NPNT: variants seen among roughly 807,000 people sequenced by gnomAD.
NPNT encodes the protein preosteoblast EGF-like repeat protein with MAM domain.
In NPNT, 45 loss-of-function variants were observed where a neutral mutation model predicts 68.6. The ratio of observed to expected loss-of-function variants is 0.66; its 90% CI spans 0.52 to 0.84. NPNT has a LOEUF of 0.84. NPNT is among the 40% of genes least tolerant of loss of function. NPNT has a pLI of 0.00. For missense variants in NPNT, 672 were observed against 714.8 expected (o/e 0.94, Z 0.68); for synonymous variants, 233 against 253.3 (o/e 0.92, Z 0.76).
Position 105,924,462 on chromosome 4 carries a change from A to G in NPNT, c.173-2874A>G, listed in dbSNP as rs147315695. On this transcript the variant is annotated intron_variant, in intron 2 of 11. Coordinates refer to ENST00000379987, the MANE Select transcript of NPNT (RefSeq NM_001033047.3). ...ATCAACTTTATGAGTATCCTACCGC[A>G]TTTAATAGCCATTGGCTAATCTAAG... Among the ~76,000 whole-genome samples, 559 of 152,304 alleles carry G rather than the reference A, an allele frequency of 3.7e-3. 5 individuals are homozygous for G. The highest frequency in any genetic ancestry group is 0.013 in the African/African-American group (544 of 41,580).
intron 1 of NPNT, 168 bp downstream of exon 1, chr4:105,895,891 G>A: frequency 1.6e-6 from 1 of 616,328 alleles, no homozygotes; most frequent in Non-Finnish European, 2.8e-6. Context: ...GCGGCTCCGA[G>A]TGCCCGCCCG....
At chr4:105,947,464 G>T (rs755037303) in intron 8 of NPNT, among the ~76,000 whole-genome samples, 5 of 152,114 alleles carry the variant, frequency 3.3e-5, no homozygotes, top group Non-Finnish European at 7.4e-5. Context: ...AGCTCCAGCT[G>T]GTCCCTCCAT....
chr4:105,925,761 C>T (rs985187208), intron 2 of NPNT, among the ~76,000 whole-genome samples: 3 of 152,200 alleles, frequency 2.0e-5, no homozygotes, highest in Non-Finnish European at 2.9e-5. Flanking sequence ...ACCTTCTTCA[C>T]GTCAGACCTA....
rs1729816259 is a variant in NPNT, at chr4:105,940,147, A to G, written c.578A>G (p.Tyr193Cys). 1.2e-6 allele frequency: 2 copies of G among 1,612,240 alleles called. No individual in the cohort carries two copies. Among genetic ancestry groups the G allele is most frequent in the Non-Finnish European group, 1.7e-6 (2 of 1,178,328 alleles). The change falls in exon 6 of 12, where the codon TAC becomes TGC. Residue 193 changes from tyrosine to cysteine, a missense_variant. Tyr to Cys is a radical substitution (Grantham distance 194). Coordinates refer to ENST00000379987, the MANE Select transcript of NPNT (RefSeq NM_001033047.3). ...FRQCVNTFGSYICKCHKGFDL... is the reference protein window; with the variant it reads ...FRQCVNTFGSCICKCHKGFDL... ...CAATGTGTCAACACTTTTGGGAGCT[A>G]CATCTGCAAGTGTCATAAAGGCTTC... is the stretch of plus-strand genomic sequence containing the variant.
At chr4:105,965,673 T>C (rs1732068063) in intron 10 of NPNT, among the ~76,000 whole-genome samples, 4 of 152,264 alleles carry the variant, frequency 2.6e-5, no homozygotes, top group Admixed American at 2.0e-4. Context: ...GACATGTAAA[T>C]ATTTTGGCCC....
At chr4:105,935,800 T>G (rs1227829437) in intron 3 of NPNT, among the ~76,000 whole-genome samples, 1 of 152,306 alleles carries the variant, frequency 6.6e-6, no homozygotes, top group Admixed American at 6.5e-5. Flanking sequence ...GTAATAATTA[T>G]TTGGTGGTTT....
chr4:105,904,764 C>A (rs1396743383), intron 2 of NPNT, among the ~76,000 whole-genome samples: 1 of 152,024 alleles, frequency 6.6e-6, no homozygotes, highest in Non-Finnish European at 1.5e-5. Flanking sequence ...CTCACTGCAA[C>A]CTCCGCCTCC....
rs115120429 is a variant in NPNT at position 105,917,874 on chromosome 4, G to T, written c.173-9462G>T. Among the ~76,000 whole-genome samples the T allele has an allele frequency of 5.5e-3, 842 of 152,264 alleles. 6 individuals are homozygous for T. The highest frequency in any genetic ancestry group is 0.019 in the African/African-American group (799 of 41,552). On this transcript the variant is annotated intron_variant, in intron 2 of 11. Coordinates refer to ENST00000379987, the MANE Select transcript of NPNT (RefSeq NM_001033047.3). ...AGGCAAGGGTCATATCATGAAATAT[G>T]GTACTGAATGCCATGCTGAGTGTTT...
intron 8 of NPNT, among the ~76,000 whole-genome samples, chr4:105,944,258 G>A (rs1467693546): frequency 1.3e-5 from 2 of 152,042 alleles, no homozygotes; most frequent in Admixed American, 6.6e-5. Context: ...CTCAGATACT[G>A]TCTTTTTCTC....
intron 10 of NPNT, among the ~76,000 whole-genome samples, chr4:105,962,869 G>A (rs1250229958): frequency 1.5e-5 from 2 of 129,100 alleles, no homozygotes; most frequent in African/African-American, 3.1e-5. Context: ...GTGTGTGTGT[G>A]TATGTGTGTG....
At position 105,959,038 on chromosome 4, in the gene NPNT, A is replaced by G; in HGVS notation, c.1257A>G (p.Val419=). 1 of 1,606,224 alleles carries G rather than the reference A, an allele frequency of 6.2e-7. No individual in the cohort carries two copies. Among genetic ancestry groups the G allele is most frequent in the East Asian group, 2.2e-5 (1 of 44,790 alleles). Residue 419 remains valine (V), a synonymous_variant, in exon 10 of 12, where the codon GTA becomes GTG. Transcript: ENST00000379987. ...ATTATTTCCTTGTAGGTGTTCTGGT[A>G]CACAGTTGTAATTTTGACCATGGAC... ...DEAKDDPGVL[V]HSCNFDHGLC... is the part of the protein sequence containing the mutation.
rs773813323 is a variant in NPNT at position 105,942,706 on chromosome 4, AGTC to A, written c.1159+5_1159+7del. 1 of 1,594,390 alleles carries A rather than the reference AGTC, an allele frequency of 6.3e-7. No homozygotes were observed. The highest frequency in any genetic ancestry group is 8.5e-7 in the Non-Finnish European group (1 of 1,169,958). ...AAACCCAGAGGAGATGTGTTCAGTA[AGTC>A]TAATAAATGTTAGCACATTTTCAAT... On this transcript the variant is annotated splice_donor_5th_base_variant and intron_variant, in intron 8 of 11. Coordinates refer to ENST00000379987, the MANE Select transcript of NPNT (RefSeq NM_001033047.3).
Position 105,971,599 on chromosome 4 carries a change from T to TA in NPNT, c.*2615dup, listed in dbSNP as rs1399629434. 6.5e-6 allele frequency: 1 copy of TA among 153,010 alleles called. No individual in the cohort carries two copies. Among genetic ancestry groups the TA allele is most frequent in the Admixed American group, 6.5e-5 (1 of 15,336 alleles). 9.5% of individuals were successfully genotyped at this position (153,010 alleles called of 1,614,324 possible). On this transcript the variant is annotated 3_prime_UTR_variant, in exon 12 of 12. Coordinates refer to ENST00000379987, the MANE Select transcript of NPNT (RefSeq NM_001033047.3). ...GTTTATTATTTAATGTTTTCTAAAATAAAAAATGTTAGTGGTTTTCCAAAT... is the reference window on the plus strand; with the variant it reads ...GTTTATTATTTAATGTTTTCTAAAATAAAAAAATGTTAGTGGTTTTCCAAAT...
chr4:105,961,707 T>A (rs1173337261), intron 10 of NPNT, among the ~76,000 whole-genome samples: 1 of 152,220 alleles, frequency 6.6e-6, no homozygotes, highest in Non-Finnish European at 1.5e-5. Flanking sequence ...ACCGTGTTAG[T>A]ACAGAGCAAA....
chr4:105,950,724 G>C (rs1345901186), intron 8 of NPNT, among the ~76,000 whole-genome samples: 2 of 152,140 alleles, frequency 1.3e-5, no homozygotes, highest in Non-Finnish European at 2.9e-5. Context: ...AGACCCAGTA[G>C]GGTTCCAATG....
intron 8 of NPNT, among the ~76,000 whole-genome samples, chr4:105,956,888 C>A (rs78861526): frequency 0.033 from 5,049 of 152,214 alleles, 111 homozygotes; most frequent in Middle Eastern, 0.075. Flanking sequence ...GGGGAAGGGA[C>A]TTCACTGTTT....
intron 3 of NPNT, chr4:105,929,699 C>T (rs1005782394): frequency 6.6e-6 from 1 of 151,704 alleles, no homozygotes; most frequent in Non-Finnish European, 1.5e-5. Flanking sequence ...ATATTGTTGT[C>T]CAAATGTGAG....
chr4:105,916,769 G>A (rs28465019), intron 2 of NPNT, among the ~76,000 whole-genome samples: 17,767 of 151,960 alleles, frequency 0.12, 1,950 homozygotes, highest in African/African-American at 0.3. Flanking sequence ...GAAGGTGGAG[G>A]CAGTGTCTTA....
rs1202428356 is a variant in NPNT, at chr4:105,968,907, G to A, written c.1615G>A (p.Gly539Ser). 9.9e-6 allele frequency: 16 copies of A among 1,610,890 alleles called. No homozygotes were observed. Among genetic ancestry groups the A allele is most frequent in the African/African-American group, 1.3e-5 (1 of 74,944 alleles). ...GADIKSVVFK[G>S]EKRRGHTGEI... The stretch of plus-strand genomic sequence containing the variant: ...ATTCTCTCCCTAGGTCGTCTTCAAA[G>A]GTGAAAAAAGGCGTGGTCACACTGG... The change falls in exon 12 of 12, where the codon GGT (glycine) becomes AGT (serine). Residue 539 changes from glycine (G) to serine (S), a missense_variant. Physicochemically the swap from Gly to Ser is moderately conservative, Grantham distance 56. Transcript: ENST00000379987.
Sources: allele counts gnomAD v4.1 joint callset (sites outside exome capture counted in the v4.1 genomes callset), GRCh38; gene constraint gnomAD v4.1.1; transcripts MANE v1.5; gene names NCBI Gene and HGNC (gene_info 2026-07-23, HGNC 2026-07-21).